NKAIN2: variants seen among roughly 807,000 people sequenced by gnomAD.
NKAIN2 encodes sodium/potassium-transporting ATPase subunit beta-1-interacting protein 2.
Under a neutral mutation model 32.6 loss-of-function variants are expected in NKAIN2, and 14 were observed. That is an observed-to-expected ratio of 0.43 (90% confidence interval 0.28 to 0.67). NKAIN2 has a LOEUF of 0.67. NKAIN2 is among the 30% of genes least tolerant of loss of function. The pLI, the probability that NKAIN2 is intolerant of heterozygous loss-of-function variation, is 0.17. For synonymous variants in NKAIN2, 80 were observed against 87.2 expected (o/e 0.92, Z 0.46); for missense variants, 198 against 258.3 (o/e 0.77, Z 1.60).
Position 124,626,105 on chromosome 6 carries a change from C to CACA in NKAIN2, c.274-32077_274-32075dup, listed in dbSNP as rs796629449. Among the ~76,000 whole-genome samples, 513 of 127,580 alleles carry CACA rather than the reference C, an allele frequency of 4.0e-3. 4 individuals carry two copies. The highest frequency in any genetic ancestry group is 0.014 in the African/African-American group (485 of 33,798). The allele number at this position is 127,580 out of a possible 152,430, so 83.7% of individuals were successfully genotyped here. ...CTATCCCTCCCCACTCCCCACACCCCACAACAGTCCCCAGGGTGACCAGTT... is the reference window on the plus strand; with the variant it reads ...CTATCCCTCCCCACTCCCCACACCCCACAACAACAGTCCCCAGGGTGACCAGTT... On this transcript the variant is annotated intron_variant, in intron 3 of 6. Coordinates refer to ENST00000368417, the MANE Select transcript of NKAIN2 (RefSeq NM_001040214.3).
At chr6:124,424,171 T>G (rs1293407764) in intron 3 of NKAIN2, among the ~76,000 whole-genome samples, 1 of 152,008 alleles carries the variant, frequency 6.6e-6, no homozygotes, top group Non-Finnish European at 1.5e-5. Flanking sequence ...TTTTTTGTAT[T>G]TTTAGTAGAG....
intron 3 of NKAIN2, among the ~76,000 whole-genome samples, chr6:124,621,492 A>G (rs1783104754): frequency 1.3e-5 from 2 of 152,264 alleles, no homozygotes; most frequent in Non-Finnish European, 2.9e-5. Flanking sequence ...AAAATAAGTC[A>G]GCAACTCCAG....
Position 123,956,468 on chromosome 6 carries a change from G to A in NKAIN2, c.54+152214G>A, listed in dbSNP as rs187748073. ...CTACGTGTGCACACATAGAGGAATGGCTGTGTAAGGAGTAGCAAGTAGTCC... is the reference window on the plus strand; with the variant it reads ...CTACGTGTGCACACATAGAGGAATGACTGTGTAAGGAGTAGCAAGTAGTCC... On this transcript the variant is annotated intron_variant, in intron 1 of 6. Coordinates refer to ENST00000368417, the MANE Select transcript of NKAIN2 (RefSeq NM_001040214.3). 1.3e-3 allele frequency among the ~76,000 whole-genome samples: 204 copies of A among 152,300 alleles called. 1 individual carries two copies. The highest frequency in any genetic ancestry group is 2.5e-3 in the Non-Finnish European group (172 of 68,032).
chr6:124,131,157 G>GT (rs1201559832), intron 1 of NKAIN2, among the ~76,000 whole-genome samples: 1 of 152,038 alleles, frequency 6.6e-6, no homozygotes, highest in Non-Finnish European at 1.5e-5. Flanking sequence ...TTGTTTGTTT[G>GT]TTTTTTTGAT....
chr6:124,750,021 G>A lies in NKAIN2; in HGVS notation c.475-41318G>A, dbSNP rs75483673. ...ATATAATTGAAATAGCATCAGCTTG[G>A]AAACCATTTTGATTTGTATTTGACC... On this transcript the variant is annotated intron_variant, in intron 4 of 6. Transcript: ENST00000368417. Among the ~76,000 whole-genome samples the A allele has an allele frequency of 4.8e-3, 724 of 151,686 alleles. 4 individuals are homozygous for A. Among genetic ancestry groups the A allele is most frequent in the African/African-American group, 0.016 (681 of 41,420 alleles).
chr6:124,578,494 A>G (rs1397741380), intron 3 of NKAIN2, among the ~76,000 whole-genome samples: 1 of 151,878 alleles, frequency 6.6e-6, no homozygotes, highest in Admixed American at 6.6e-5. Context: ...TGCTTGTGGA[A>G]AAGAGAGGAA....
intron 1 of NKAIN2, among the ~76,000 whole-genome samples, chr6:124,086,247 C>A (rs1339117491): frequency 6.6e-6 from 1 of 151,900 alleles, no homozygotes; most frequent in East Asian, 1.9e-4. Flanking sequence ...GATGATTGAG[C>A]TTTTGTGTTT....
chr6:124,802,511 A>G (rs369930253), intron 5 of NKAIN2, among the ~76,000 whole-genome samples: 2 of 152,228 alleles, frequency 1.3e-5, no homozygotes, highest in African/African-American at 4.8e-5. Context: ...TTATTTCACC[A>G]TAATCTTCAT....
intron 3 of NKAIN2, among the ~76,000 whole-genome samples, chr6:124,382,558 C>T (rs757008982): frequency 6.6e-6 from 1 of 152,092 alleles, no homozygotes; most frequent in Non-Finnish European, 1.5e-5. Context: ...TAATTCTCTG[C>T]CAGATTGTCA....
chr6:124,319,587 A>G (rs1383058641), intron 2 of NKAIN2, among the ~76,000 whole-genome samples: 1 of 152,138 alleles, frequency 6.6e-6, no homozygotes, highest in African/African-American at 2.4e-5. Context: ...TTAGAAAATC[A>G]TTCTGCTCTT....
At chr6:124,639,647 A>T (rs1027692175) in intron 3 of NKAIN2, among the ~76,000 whole-genome samples, 1 of 152,170 alleles carries the variant, frequency 6.6e-6, no homozygotes, top group Non-Finnish European at 1.5e-5. Flanking sequence ...AAAAAAAAGT[A>T]TATATAATAT....
chr6:123,814,269 G>T (rs1773601095), intron 1 of NKAIN2, among the ~76,000 whole-genome samples: 1 of 152,118 alleles, frequency 6.6e-6, no homozygotes, highest in African/African-American at 2.4e-5. Flanking sequence ...ATTAACGAAT[G>T]AATTCATAGA....
At chr6:124,024,859 T>C (rs1781033650) in intron 1 of NKAIN2, among the ~76,000 whole-genome samples, 1 of 151,936 alleles carries the variant, frequency 6.6e-6, no homozygotes. Flanking sequence ...TGGTGGCACA[T>C]GCCTGTAATC....
intron 3 of NKAIN2, among the ~76,000 whole-genome samples, chr6:124,374,416 G>T (rs1373297048): frequency 1.3e-5 from 2 of 152,066 alleles, no homozygotes; most frequent in Non-Finnish European, 2.9e-5. Flanking sequence ...TAACAGGGTT[G>T]TCAAGTGTTA....
rs758279859 is a variant in NKAIN2 at position 124,658,364 on chromosome 6, G to C, written c.452G>C (p.Ser151Thr). ...LEYQYIEVAH[S>T]SLQIVLALAG... The stretch of plus-strand genomic sequence containing the variant: ...TACCAGTACATAGAAGTGGCTCATA[G>C]TTCCCTCCAGATTGTCCTCGCAGTA... Residue 151 changes from serine to threonine, a missense_variant, in exon 4 of 7, where the codon AGT becomes ACT. Coordinates refer to ENST00000368417, the MANE Select transcript of NKAIN2 (RefSeq NM_001040214.3). The C allele has an allele frequency of 6.2e-7, 1 of 1,614,146 alleles. No individual in the cohort carries two copies.
intron 3 of NKAIN2, among the ~76,000 whole-genome samples, chr6:124,517,402 T>G (rs1778955237): frequency 6.6e-6 from 1 of 152,134 alleles, no homozygotes; most frequent in Admixed American, 6.6e-5. Flanking sequence ...ATCTGATCTT[T>G]TTTCCCTGCA....
At chr6:124,703,334 AT>A (rs1774895341) in intron 4 of NKAIN2, among the ~76,000 whole-genome samples, 1 of 152,034 alleles carries the variant, frequency 6.6e-6, no homozygotes, top group African/African-American at 2.4e-5. Context: ...ACCTTAGAGA[AT>A]CAACATAAAC....
intron 1 of NKAIN2, among the ~76,000 whole-genome samples, chr6:123,930,868 T>C (rs1357145001): frequency 1.3e-5 from 2 of 151,518 alleles, no homozygotes; most frequent in East Asian, 1.9e-4. Context: ...AGTAGAAGAG[T>C]GTACAATAAT....
chr6:124,565,191 G>GA (rs999810367), intron 3 of NKAIN2, among the ~76,000 whole-genome samples: 2 of 152,090 alleles, frequency 1.3e-5, no homozygotes, highest in African/African-American at 4.8e-5. Flanking sequence ...TGCATATCCA[G>GA]AAACTTGATT....
Sources: gnomAD v4.1 joint callset for allele counts (sites outside exome capture counted in the v4.1 genomes callset) on GRCh38, gnomAD v4.1.1 for gene constraint, MANE v1.5 for transcripts, NCBI Gene and HGNC (gene_info 2026-07-23, HGNC 2026-07-21) for gene names.